The following DPYD variants were observed in gnomAD, a reference collection of about 807,000 sequenced individuals.
The protein encoded by DPYD is dihydropyrimidine dehydrogenase [NADP(+)].
Under a neutral mutation model 116.2 loss-of-function variants are expected in DPYD, and 109 were observed. That is an observed-to-expected ratio of 0.94 (90% CI 0.80 to 1.10). The LOEUF is 1.10. DPYD is among the 50% of genes least tolerant of loss of function. The pLI is 0.00. For missense variants in DPYD, 1,302 were observed against 1,254.5 expected, an observed-to-expected ratio of 1.04 and a Z score of -0.57; for synonymous variants, 440 against 432.0, an observed-to-expected ratio of 1.02 and a Z score of -0.23.
chr1:97,921,024 A>G lies in DPYD; in HGVS notation c.-102T>C. The G allele has an allele frequency of 6.9e-7, 1 of 1,450,170 alleles. No homozygotes were observed. Among genetic ancestry groups the G allele is most frequent in the Non-Finnish European group, 9.4e-7 (1 of 1,059,762 alleles). 89.8% of individuals were successfully genotyped at this position (1,450,170 alleles called of 1,614,324 possible). A position where few individuals can be genotyped will look rare whatever the true frequency, so the allele number is the denominator to read the frequency against. ...ACAGCAGCCGGAGCGCGAGTCGAAA[A>G]CAGGCAGACTAGGGCCGGCGGCGCG... On this transcript the variant is annotated 5_prime_UTR_variant, in exon 1 of 23. Transcript: ENST00000370192.
At chr1:97,331,124 A>G (rs1468263048) in intron 16 of DPYD, among the ~76,000 whole-genome samples, 1 of 152,130 alleles carries the variant, frequency 6.6e-6, no homozygotes, top group Non-Finnish European at 1.5e-5. Flanking sequence ...GAGTTAGGAT[A>G]ACTCTTAGCC....
chr1:97,458,354 T>C (rs1676816562), intron 13 of DPYD, among the ~76,000 whole-genome samples: 1 of 152,128 alleles, frequency 6.6e-6, no homozygotes, highest in South Asian at 2.1e-4. Flanking sequence ...TAACAAGATA[T>C]TGAAAGGAAT....
chr1:97,812,733 A>G (rs562244787), intron 3 of DPYD, among the ~76,000 whole-genome samples: 18 of 152,194 alleles, frequency 1.2e-4, no homozygotes, highest in African/African-American at 3.9e-4. Flanking sequence ...AATCATAATC[A>G]CAGGCATACA....
At chr1:97,618,046 G>T (rs1261189782) in intron 8 of DPYD, among the ~76,000 whole-genome samples, 1 of 152,210 alleles carries the variant, frequency 6.6e-6, no homozygotes, top group Non-Finnish European at 1.5e-5. Context: ...CAAGTATGTA[G>T]AGAAATAATT....
intron 13 of DPYD, among the ~76,000 whole-genome samples, chr1:97,466,999 A>G (rs1032927697): frequency 6.6e-6 from 1 of 152,218 alleles, no homozygotes; most frequent in Non-Finnish European, 1.5e-5. Context: ...AGATCCTACA[A>G]GAAAAATTCC....
intron 20 of DPYD, among the ~76,000 whole-genome samples, chr1:97,130,849 T>A (rs867241356): frequency 8.3e-6 from 1 of 119,788 alleles, no homozygotes; most frequent in Non-Finnish European, 1.8e-5. Flanking sequence ...CTTCCTTCCT[T>A]CCTTCCTTCC....
intron 20 of DPYD, among the ~76,000 whole-genome samples, chr1:97,117,452 C>T (rs1328282659): frequency 6.6e-6 from 1 of 152,180 alleles, no homozygotes; most frequent in East Asian, 1.9e-4. Flanking sequence ...GGGTCAAGCA[C>T]TCTTATCATG....
In DPYD at chr1:97,549,582, C is replaced by T. The variant is rs1214305633; in HGVS notation, c.1502G>A (p.Trp501Ter). 17 of 1,613,674 alleles carry T rather than the reference C, an allele frequency of 1.1e-5. No individual in the cohort carries two copies. The highest frequency in any genetic ancestry group is 1.4e-5 in the Non-Finnish European group (17 of 1,179,776). Residue 501 changes from tryptophan (W) to a stop codon, truncating the protein, a stop_gained, in exon 12 of 23, where the codon TGG becomes TAG. Coordinates refer to ENST00000370192, the MANE Select transcript of DPYD (RefSeq NM_000110.4). LOFTEE classifies it high-confidence loss of function. ...ESVNDGKQAS[W>*]YIHKYVQSQY... ...TACCTGTACGTATTTGTGAATGTAC[C>T]AAGAAGCTTGCTTTCCATCATTCAC...
intron 5 of DPYD, chr1:97,720,823 A>C (rs1346719450): frequency 1.3e-6 from 2 of 1,589,210 alleles, no homozygotes; most frequent in Non-Finnish European, 1.7e-6. Context: ...ATGGGAATTA[A>C]CCTGCTTGTT....
At chr1:97,547,423 CAGTCACTGCAA>C (rs1355200320) in intron 12 of DPYD, among the ~76,000 whole-genome samples, 1 of 152,148 alleles carries the variant, frequency 6.6e-6, no homozygotes, top group Non-Finnish European at 1.5e-5. Flanking sequence ...ATCTATCCTT[CAGTCACTGCAA>C]AGACTGGAGC....
chr1:97,546,042 G>A, intron 12 of DPYD: 1 of 1,381,248 alleles, frequency 7.2e-7, no homozygotes, highest in Non-Finnish European at 1.0e-6. Flanking sequence ...ACAGGTGTTA[G>A]ATGATGAAGA....
At chr1:97,242,826 C>G (rs532068081) in intron 18 of DPYD, among the ~76,000 whole-genome samples, 1 of 151,632 alleles carries the variant, frequency 6.6e-6, no homozygotes, top group Non-Finnish European at 1.5e-5. Context: ...ACAAACACAA[C>G]AGAGTGAATA....
At chr1:97,509,662 A>G (rs1647627636) in intron 13 of DPYD, among the ~76,000 whole-genome samples, 1 of 152,000 alleles carries the variant, frequency 6.6e-6, no homozygotes, top group Non-Finnish European at 1.5e-5. Flanking sequence ...TGGGTCAGAA[A>G]ATAAACTATT....
At chr1:97,468,611 G>T (rs1394898820) in intron 13 of DPYD, among the ~76,000 whole-genome samples, 3 of 152,142 alleles carry the variant, frequency 2.0e-5, no homozygotes, top group African/African-American at 7.2e-5. Context: ...ATGACATTTT[G>T]TTATAGCAGC....
intron 8 of DPYD, among the ~76,000 whole-genome samples, chr1:97,662,614 C>G (rs1659330666): frequency 6.6e-6 from 1 of 152,006 alleles, no homozygotes; most frequent in Non-Finnish European, 1.5e-5. Flanking sequence ...GCCTGGGCGA[C>G]AGATCGAGAC....
chr1:97,725,859 G>T lies in DPYD; in HGVS notation c.322-4188C>A, dbSNP rs1024797470. ...ACAATAACTGCTAATAAGTATGGAG[G>T]TTTTTTTTAGCGGTGATAAAATTGT... On this transcript the variant is annotated intron_variant, in intron 4 of 22. Transcript: ENST00000370192. 2.0e-5 allele frequency among the ~76,000 whole-genome samples: 3 copies of T among 151,296 alleles called. No individual in the cohort carries two copies. The South Asian group carries it at 6.3e-4, about 32-fold the overall frequency.
rs1557733632 is a variant in DPYD at position 97,468,960 on chromosome 1, C to T, written c.1741-18737G>A. Among the ~76,000 whole-genome samples, 3 of 152,206 alleles carry T rather than the reference C, an allele frequency of 2.0e-5. No homozygotes were observed. In the East Asian group the frequency reaches 5.8e-4, roughly 29 times the overall value. ...AATGGATTCCAAAAAAATTAGTTTC[C>T]TTGAAAGAGTTCAAAACATTATTTA... is the stretch of plus-strand genomic sequence containing the variant. On this transcript the variant is annotated intron_variant, in intron 13 of 22. Coordinates refer to ENST00000370192, the MANE Select transcript of DPYD (RefSeq NM_000110.4).
intron 12 of DPYD, among the ~76,000 whole-genome samples, chr1:97,541,293 G>T (rs915193306): frequency 1.3e-5 from 2 of 152,168 alleles, no homozygotes; most frequent in Admixed American, 1.3e-4. Context: ...AAGAAAGAAG[G>T]TTGATTCTAT....
At chr1:97,720,064 A>G (rs1429752014) in intron 5 of DPYD, 1 of 984,864 alleles carries the variant, frequency 1.0e-6, no homozygotes, top group African/African-American at 1.7e-5. Context: ...AAGAGTTCCC[A>G]GAGGGACAGT....
Sources: gnomAD v4.1 joint callset for allele counts (sites outside exome capture counted in the v4.1 genomes callset) on GRCh38, gnomAD v4.1.1 for gene constraint, MANE v1.5 for transcripts, NCBI Gene and HGNC (gene_info 2026-07-23, HGNC 2026-07-21) for gene names.